Variants in DLGAP1 observed in about 807,000 individuals in gnomAD.
DLGAP1 encodes the protein DLG associated protein 1.
In DLGAP1, 11 loss-of-function variants were observed where a neutral mutation model predicts 90.8. That is an observed-to-expected ratio of 0.12 (90% CI 0.08 to 0.20). DLGAP1 has a LOEUF of 0.20. Ranked by LOEUF, DLGAP1 falls within the 10% of genes least tolerant of loss-of-function variation. The pLI, the probability that DLGAP1 is intolerant of heterozygous loss-of-function variation, is 1.00. For missense variants in DLGAP1, 1,050 were observed against 1,333.8 expected, an observed-to-expected ratio of 0.79 and a Z score of 3.31; for synonymous variants, 558 against 540.7, an observed-to-expected ratio of 1.03 and a Z score of -0.44.
Position 3,653,593 on chromosome 18 carries a change from A to G in DLGAP1, c.1592-71345T>C, listed in dbSNP as rs1207286441. 1.3e-5 allele frequency: 2 copies of G among 152,184 alleles called. No homozygotes were observed. Among genetic ancestry groups the G allele is most frequent in the African/African-American group, 4.8e-5 (2 of 41,448 alleles). 9.4% of individuals were successfully genotyped at this position (152,184 alleles called of 1,614,324 possible). On this transcript the variant is annotated intron_variant, in intron 7 of 12. Coordinates refer to ENST00000315677, the MANE Select transcript of DLGAP1 (RefSeq NM_004746.4). The surrounding 1 kb of genome is among the most constrained non-coding windows in gnomAD (Gnocchi z 4.6). The stretch of plus-strand genomic sequence containing the variant: ...GCACCCCTGCTCCAGAAAAGAAGAA[A>G]CAAAACTGCCTGCCATAGACACTTG...
Position 3,526,058 on chromosome 18 carries a change from C to T in DLGAP1, c.2479+8136G>A, listed in dbSNP as rs184940805. Among the ~76,000 whole-genome samples the T allele has an allele frequency of 9.2e-5, 14 of 152,308 alleles. No individual in the cohort carries two copies. The highest frequency in any genetic ancestry group is 8.3e-4 in the South Asian group (4 of 4,822). The stretch of plus-strand genomic sequence containing the variant: ...CTTTTCATTACTGCCACTTCCTCTG[C>T]GGTCACTAATTTCAGGTTGTCTGGA... On this transcript the variant is annotated intron_variant, in intron 10 of 12. Transcript: ENST00000315677. This position sits in a 1 kb window ranked among gnomAD's most constrained non-coding sequence, Gnocchi z 4.7.
chr18:4,173,321 G>T (rs1486772643), intron 1 of DLGAP1, among the ~76,000 whole-genome samples: 1 of 152,148 alleles, frequency 6.6e-6, no homozygotes, highest in African/African-American at 2.4e-5. Context: ...ACTATTCCAT[G>T]CTGGTTTCTC....
intron 2 of DLGAP1, among the ~76,000 whole-genome samples, chr18:4,062,816 T>C (rs899612608): frequency 6.6e-6 from 1 of 152,080 alleles, no homozygotes; most frequent in African/African-American, 2.4e-5. Flanking sequence ...TTCTTTTTTT[T>C]CCCTGCAATT....
At chr18:4,089,566 A>G (rs547196693) in intron 2 of DLGAP1, among the ~76,000 whole-genome samples, 49 of 152,366 alleles carry the variant, frequency 3.2e-4, no homozygotes, top group Non-Finnish European at 4.9e-4. Context: ...ACAAGGCTAC[A>G]GTAACCAAAC....
chr18:3,849,587 A>G (rs895010948), intron 4 of DLGAP1, among the ~76,000 whole-genome samples: 5 of 152,152 alleles, frequency 3.3e-5, no homozygotes, highest in Non-Finnish European at 5.9e-5. Flanking sequence ...CCAATGAAGA[A>G]AGGGACAGCC....
At chr18:4,381,929 T>C (rs1013294453) in intron 1 of DLGAP1, among the ~76,000 whole-genome samples, 1 of 152,108 alleles carries the variant, frequency 6.6e-6, no homozygotes, top group African/African-American at 2.4e-5. Context: ...AGACACGTCT[T>C]ACACGGCGGC....
intron 1 of DLGAP1, among the ~76,000 whole-genome samples, chr18:4,211,383 GA>G (rs1175666691): frequency 6.6e-6 from 1 of 152,182 alleles, no homozygotes; most frequent in African/African-American, 2.4e-5. Context: ...GAATATGTAT[GA>G]ACTCTTTTCA....
At chr18:3,651,104 G>C (rs1222667948) in intron 7 of DLGAP1, among the ~76,000 whole-genome samples, 1 of 136,470 alleles carries the variant, frequency 7.3e-6, no homozygotes, top group Non-Finnish European at 1.6e-5. Context: ...CTCACGCCTG[G>C]AATCCCAGCA....
intron 4 of DLGAP1, among the ~76,000 whole-genome samples, chr18:3,867,307 C>G (rs1011541272): frequency 3.3e-5 from 5 of 152,190 alleles, no homozygotes; most frequent in Non-Finnish European, 5.9e-5. Context: ...CTCTCCAGAT[C>G]TCAGTTGTCT....
At chr18:4,213,164 C>T (rs1465201408) in intron 1 of DLGAP1, among the ~76,000 whole-genome samples, 1 of 152,218 alleles carries the variant, frequency 6.6e-6, no homozygotes, top group South Asian at 2.1e-4. Flanking sequence ...GAAGCAGATG[C>T]CAAAGCAAAT....
chr18:4,061,879 T>G (rs186009080), intron 2 of DLGAP1, among the ~76,000 whole-genome samples: 2 of 152,278 alleles, frequency 1.3e-5, no homozygotes, highest in East Asian at 3.9e-4. Context: ...GTTTTAATCC[T>G]CTTGAAAAGA....
At chr18:3,616,474 G>T (rs969108703) in intron 7 of DLGAP1, among the ~76,000 whole-genome samples, 7 of 152,068 alleles carry the variant, frequency 4.6e-5, no homozygotes, top group African/African-American at 1.7e-4. Context: ...TCTAGGCCAG[G>T]TGCAGTGGCT....
At chr18:3,726,745 G>A (rs530619228) in intron 7 of DLGAP1, among the ~76,000 whole-genome samples, 2 of 152,270 alleles carry the variant, frequency 1.3e-5, no homozygotes, top group South Asian at 4.1e-4. Context: ...CAAACACTTG[G>A]CATTTTATGC....
At chr18:3,715,149 G>C (rs555182373) in intron 7 of DLGAP1, among the ~76,000 whole-genome samples, 1 of 152,318 alleles carries the variant, frequency 6.6e-6, no homozygotes, top group Non-Finnish European at 1.5e-5. Flanking sequence ...CCCTCAAACA[G>C]AGAGTTCCAG....
In DLGAP1 at chr18:4,170,165, A is replaced by C. The variant is rs529390301; in HGVS notation, c.-266-18878T>G. Among the ~76,000 whole-genome samples, 7 of 152,160 alleles carry C rather than the reference A, an allele frequency of 4.6e-5. 1 individual carries two copies. The East Asian group carries it at 1.3e-3, about 29-fold the overall frequency. ...GCAGAGCAGATAGGTAGGAAGAGTA[A>C]GATTCTAAATATGTTTTCAATGCCA... On this transcript the variant is annotated intron_variant, in intron 1 of 12. Transcript: ENST00000315677.
intron 1 of DLGAP1, among the ~76,000 whole-genome samples, chr18:4,259,696 T>G (rs1424297749): frequency 6.6e-6 from 1 of 152,182 alleles, no homozygotes; most frequent in African/African-American, 2.4e-5. Context: ...ACACTCAATA[T>G]TCAGCAGCAA....
chr18:3,656,384 G>C, intron 7 of DLGAP1: 1 of 419,580 alleles, frequency 2.4e-6, no homozygotes, highest in East Asian at 4.0e-5. Context: ...CAAAGGCCAA[G>C]TCTGCCTGAG....
intron 1 of DLGAP1, among the ~76,000 whole-genome samples, chr18:4,185,408 C>A (rs765404958): frequency 2.0e-5 from 3 of 152,038 alleles, no homozygotes; most frequent in Non-Finnish European, 4.4e-5. Context: ...TCTCTCTCCT[C>A]CAACCCTCGA....
At chr18:4,298,046 A>C (rs1423232278) in intron 1 of DLGAP1, among the ~76,000 whole-genome samples, 4 of 152,066 alleles carry the variant, frequency 2.6e-5, no homozygotes, top group Non-Finnish European at 4.4e-5. Flanking sequence ...TTCTGTCAGT[A>C]TATGCATAAA....
Sources: gnomAD v4.1 joint callset for allele counts (sites outside exome capture counted in the v4.1 genomes callset) on GRCh38, gnomAD v4.1.1 for gene constraint, Gnocchi (gnomAD v3.1) non-coding constraint, MANE v1.5 for transcripts, NCBI Gene and HGNC (gene_info 2026-07-23, HGNC 2026-07-21) for gene names.